The following SLC13A3 variants were observed in gnomAD, a reference collection of about 807,000 sequenced individuals.
SLC13A3 encodes Na(+)/dicarboxylate cotransporter 3.
In SLC13A3, 40 loss-of-function variants were observed where a neutral mutation model predicts 59.0. That is an observed-to-expected ratio of 0.68 (90% CI 0.53 to 0.88). SLC13A3 has a LOEUF of 0.88. Ranked by LOEUF, SLC13A3 falls within the 40% of genes least tolerant of loss-of-function variation. The pLI is 0.00. For synonymous variants in SLC13A3, 317 were observed against 330.3 expected, an observed-to-expected ratio of 0.96 and a Z score of 0.44; for missense variants, 699 against 783.2, an observed-to-expected ratio of 0.89 and a Z score of 1.28.
At chr20:46,592,305 G>A in intron 6 of SLC13A3, 99 bp downstream of exon 6, 2 of 1,422,038 alleles carry the variant, frequency 1.4e-6, no homozygotes, top group Non-Finnish European at 1.9e-6. Flanking sequence ...AATACAACAT[G>A]AAATAACAAT....
intron 1 of SLC13A3, among the ~76,000 whole-genome samples, chr20:46,660,848 G>C (rs933941758): frequency 1.3e-5 from 2 of 151,482 alleles, no homozygotes; most frequent in African/African-American, 4.9e-5. Context: ...CCTTCTCTAC[G>C]TGTTTCAAAC....
chr20:46,644,500 C>A (rs1200761589), intron 1 of SLC13A3, among the ~76,000 whole-genome samples: 1 of 151,866 alleles, frequency 6.6e-6, no homozygotes, highest in Non-Finnish European at 1.5e-5. Flanking sequence ...GGTTAAATTG[C>A]CAAAAAAATA....
rs540123668 is a variant in SLC13A3 at position 46,677,351 on chromosome 20, T to G, written c.-31+7045A>C. 7.2e-5 allele frequency among the ~76,000 whole-genome samples: 11 copies of G among 152,090 alleles called. No homozygotes were observed. The East Asian group carries it at 7.7e-4, about 11-fold the overall frequency. On this transcript the variant is annotated intron_variant, in intron 1 of 6. Coordinates refer to the SLC13A3 transcript ENST00000372121. The stretch of plus-strand genomic sequence containing the variant: ...AAGAAATAGAACTTGTCCATCCCCC[T>G]AGAAGTCCCCAGAAGCCCCCTCCAA...
intron 6 of SLC13A3, among the ~76,000 whole-genome samples, chr20:46,591,260 T>C (rs984893539): frequency 3.3e-5 from 5 of 152,180 alleles, no homozygotes; most frequent in Non-Finnish European, 7.3e-5. Flanking sequence ...TCTGCTCATA[T>C]TTGCTTAAGA....
intron 1 of SLC13A3, among the ~76,000 whole-genome samples, chr20:46,649,266 A>T (rs568042081): frequency 1.3e-5 from 2 of 152,212 alleles, no homozygotes; most frequent in East Asian, 3.9e-4. Flanking sequence ...CTTTCCATTC[A>T]GTTGTGCATG....
intron 3 of SLC13A3, among the ~76,000 whole-genome samples, chr20:46,606,018 T>C (rs1264045029): frequency 6.6e-6 from 1 of 152,222 alleles, no homozygotes; most frequent in East Asian, 1.9e-4. Context: ...CAATGGTCTA[T>C]TTGTGTATTC....
In SLC13A3 at chr20:46,563,464, G is replaced by C. The variant is rs770798414; in HGVS notation, c.1582C>G (p.Pro528Ala). The C allele has an allele frequency of 1.2e-6, 2 of 1,614,172 alleles. No homozygotes were observed. The highest frequency in any genetic ancestry group is 1.1e-5 in the South Asian group (1 of 91,084). Residue 528 changes from proline (P) to alanine (A), a missense_variant, in exon 12 of 13, where the codon CCC (proline) becomes GCC (alanine). By Grantham distance (27) the Pro-to-Ala change is conservative (BLOSUM62 -1). Transcript: ENST00000279027. Reference protein sequence around the residue: ...SFAFMLPVSTPPNSIAFASGH... With the variant: ...SFAFMLPVSTAPNSIAFASGH... ...GAGGCGAAGGCGATGGAGTTGGGGG[G>C]CGTTGAGACCGGGAGCATGAAGGCA...
chr20:46,614,852 A>G (rs1368568009), intron 1 of SLC13A3, among the ~76,000 whole-genome samples: 1 of 152,196 alleles, frequency 6.6e-6, no homozygotes, highest in African/African-American at 2.4e-5. Context: ...TGAAAGGCAG[A>G]CAAAGTAATT....
intron 1 of SLC13A3, among the ~76,000 whole-genome samples, chr20:46,638,282 G>C (rs1190368916): frequency 1.3e-5 from 2 of 152,218 alleles, no homozygotes; most frequent in African/African-American, 4.8e-5. Flanking sequence ...GGGGCCACAG[G>C]CTGGGGCAGG....
intron 9 of SLC13A3, among the ~76,000 whole-genome samples, chr20:46,579,348 C>T (rs1359792557): frequency 1.3e-5 from 2 of 152,126 alleles, no homozygotes; most frequent in Admixed American, 1.3e-4. Context: ...TCTTCTTGAA[C>T]TCCTGACCTC....
intron 3 of SLC13A3, among the ~76,000 whole-genome samples, chr20:46,605,133 TAC>T (rs1323612052): frequency 6.6e-6 from 1 of 152,210 alleles, no homozygotes; most frequent in Non-Finnish European, 1.5e-5. Context: ...AGGGTATTCG[TAC>T]ACACAGAACT....
intron 1 of SLC13A3, 95 bp from the exon 2 acceptor site, chr20:46,613,820 G>C (rs1157262953): frequency 1.7e-6 from 2 of 1,149,318 alleles, no homozygotes; most frequent in African/African-American, 3.1e-5. Context: ...AGGAGGCCTG[G>C]GCTGGGGGCA....
At chr20:46,568,182 T>C (rs1001464024) in intron 10 of SLC13A3, among the ~76,000 whole-genome samples, 1 of 151,472 alleles carries the variant, frequency 6.6e-6, no homozygotes, top group Non-Finnish European at 1.5e-5. Flanking sequence ...TCGCTTGAGG[T>C]CAGGAGTGCG....
intron 1 of SLC13A3, among the ~76,000 whole-genome samples, chr20:46,634,748 A>C (rs2062779280): frequency 6.6e-6 from 1 of 152,152 alleles, no homozygotes; most frequent in Non-Finnish European, 1.5e-5. Flanking sequence ...ACTCAGCCTG[A>C]GGAGGGTAGA....
intron 3 of SLC13A3, 71 bp downstream of exon 3, chr20:46,610,375 A>G: frequency 6.7e-7 from 1 of 1,500,312 alleles, no homozygotes; most frequent in Non-Finnish European, 9.0e-7. Flanking sequence ...CTTCCCTAAC[A>G]TCCTTTGGAC....
intron 1 of SLC13A3, among the ~76,000 whole-genome samples, chr20:46,646,591 G>T (rs1328493282): frequency 2.6e-5 from 4 of 152,096 alleles, no homozygotes; most frequent in Non-Finnish European, 5.9e-5. Flanking sequence ...AAGGTTTCCA[G>T]CCCAGGCTCC....
At chr20:46,630,205 T>A (rs1323521021) in intron 1 of SLC13A3, among the ~76,000 whole-genome samples, 1 of 152,258 alleles carries the variant, frequency 6.6e-6, no homozygotes, top group African/African-American at 2.4e-5. Context: ...TATGTTTGTT[T>A]GACTGACAGA....
intron 1 of SLC13A3, chr20:46,681,554 C>T (rs972426618): frequency 2.0e-5 from 3 of 152,176 alleles, no homozygotes; most frequent in Non-Finnish European, 2.9e-5. Context: ...GAAAAGTGCA[C>T]AGTCCATTGA....
At chr20:46,587,462 C>T (rs1377616687) in intron 8 of SLC13A3, among the ~76,000 whole-genome samples, 4 of 152,128 alleles carry the variant, frequency 2.6e-5, no homozygotes, top group East Asian at 1.9e-4. Flanking sequence ...CACCAGGCCT[C>T]GCTCCCACTG....
Sources: gnomAD v4.1 joint callset for allele counts (sites outside exome capture counted in the v4.1 genomes callset) on GRCh38, gnomAD v4.1.1 for gene constraint, MANE v1.5 for transcripts, NCBI Gene and HGNC (gene_info 2026-07-23, HGNC 2026-07-21) for gene names.